Variants in PFDN4 observed in about 807,000 individuals in gnomAD.
PFDN4 encodes the protein prefoldin subunit 4, also known as prefoldin 4.
Under a neutral mutation model 17.6 loss-of-function variants are expected in PFDN4, and 6 were observed. The observed-to-expected ratio is 0.34, with a 90% CI of 0.19 to 0.67. The LOEUF is 0.67. Among genes scored for constraint, PFDN4 ranks in the 30% least tolerant of loss-of-function variants. The pLI is 0.68. For synonymous variants in PFDN4, 48 were observed against 51.1 expected, an observed-to-expected ratio of 0.94 and a Z score of 0.26; for missense variants, 119 against 158.4, an observed-to-expected ratio of 0.75 and a Z score of 1.33.
chr20:54,214,860 G>A (rs2092760556), intron 2 of PFDN4, among the ~76,000 whole-genome samples: 1 of 152,118 alleles, frequency 6.6e-6, no homozygotes, highest in Non-Finnish European at 1.5e-5. Context: ...TTGAAATCCA[G>A]CTCAAATGCA....
intron 3 of PFDN4, among the ~76,000 whole-genome samples, chr20:54,216,315 C>T (rs910617405): frequency 6.6e-6 from 1 of 152,176 alleles, no homozygotes; most frequent in African/African-American, 2.4e-5. Context: ...TTAAACCTTT[C>T]CTAATGCTTT....
intron 1 of PFDN4, 130 bp from the exon 2 acceptor site, chr20:54,214,221 T>C (rs2092759643): frequency 1.7e-6 from 1 of 594,118 alleles, no homozygotes; most frequent in Non-Finnish European, 3.0e-6. Flanking sequence ...GCATTTGTTA[T>C]GTTCTGTACT....
rs2092767139 is a variant in PFDN4, at chr20:54,219,589, T to C, written c.*439T>C. On this transcript the variant is annotated 3_prime_UTR_variant, in exon 4 of 4. Transcript: ENST00000371419. ...TTATTTCACAACTAAAGCTTTGTCATAGACTTCAAAATATATATGTATATA... is the reference window on the plus strand; with the variant it reads ...TTATTTCACAACTAAAGCTTTGTCACAGACTTCAAAATATATATGTATATA... 1 of 393,372 alleles carries C rather than the reference T, an allele frequency of 2.5e-6. No individual in the cohort carries two copies. Among genetic ancestry groups the C allele is most frequent in the Non-Finnish European group, 4.5e-6 (1 of 223,610 alleles). The allele number at this position is 393,372 out of a possible 1,614,324, so 24.4% of individuals were successfully genotyped here.
intron 3 of PFDN4, among the ~76,000 whole-genome samples, chr20:54,218,187 T>G (rs1162452277): frequency 1.3e-5 from 2 of 151,990 alleles, no homozygotes; most frequent in Non-Finnish European, 2.9e-5. Context: ...TTTTTTTTTT[T>G]TTTTTAAAAC....
chr20:54,216,420 T>G (rs2092762499), intron 3 of PFDN4, among the ~76,000 whole-genome samples: 1 of 152,224 alleles, frequency 6.6e-6, no homozygotes, highest in Non-Finnish European at 1.5e-5. Context: ...TAGTAAGTCT[T>G]CAGAAGAACT....
At chr20:54,209,191 C>A (rs889183055) in intron 1 of PFDN4, among the ~76,000 whole-genome samples, 1 of 152,132 alleles carries the variant, frequency 6.6e-6, no homozygotes, top group Non-Finnish European at 1.5e-5. Flanking sequence ...AGAAAACAGG[C>A]GCGGAGGCAA....
chr20:54,208,352 G>C, intron 1 of PFDN4: 1 of 439,410 alleles, frequency 2.3e-6, no homozygotes, highest in Non-Finnish European at 4.0e-6. Flanking sequence ...GCTGGGGCCG[G>C]GAGCCTCGAA....
intron 3 of PFDN4, among the ~76,000 whole-genome samples, chr20:54,217,153 G>T (rs1454712188): frequency 6.6e-6 from 1 of 152,098 alleles, no homozygotes; most frequent in African/African-American, 2.4e-5. Flanking sequence ...GTGATATGAG[G>T]ATAGAGGTGG....
chr20:54,214,743 T>G (rs566031553), intron 2 of PFDN4, among the ~76,000 whole-genome samples: 17 of 152,316 alleles, frequency 1.1e-4, no homozygotes, highest in African/African-American at 4.1e-4. Context: ...GTCAGCTGTC[T>G]TCCCAATGAG....
chr20:54,214,308 C>A, intron 1 of PFDN4, 43 bp from the exon 2 acceptor site: 1 of 1,029,448 alleles, frequency 9.7e-7, no homozygotes, highest in Non-Finnish European at 1.5e-6. Context: ...TAACTGATAA[C>A]TTCTCCGTTA....
In PFDN4 at chr20:54,215,372, T is replaced by C. The variant is rs1420149565; in HGVS notation, c.205T>C (p.Tyr69His). 1 of 1,605,446 alleles carries C rather than the reference T, an allele frequency of 6.2e-7. No individual in the cohort carries two copies. Among genetic ancestry groups the C allele is most frequent in the African/African-American group, 1.3e-5 (1 of 74,928 alleles). ...AGATGATGATTGCTTAATGATACCT[T>C]ATCAAATTGGTGATGTCTTCATTAG... Reference protein sequence around the residue: ...LADDDCLMIPYQIGDVFISHS... With the variant: ...LADDDCLMIPHQIGDVFISHS... Residue 69 changes from tyrosine to histidine, a missense_variant, in exon 3 of 4, where the codon TAT becomes CAT. Around this residue, in one of 3 missense-constraint regions of PFDN4, gnomAD observed 81 missense variants for 111.7 expected, o/e 0.73. Coordinates refer to ENST00000371419, the MANE Select transcript of PFDN4 (RefSeq NM_002623.4).
intron 1 of PFDN4, among the ~76,000 whole-genome samples, chr20:54,212,658 C>T (rs1425014030): frequency 6.6e-6 from 1 of 152,232 alleles, no homozygotes; most frequent in Admixed American, 6.5e-5. Context: ...CTGTTGAGCC[C>T]TCACCAAGAC....
intron 2 of PFDN4, 27 bp downstream of exon 2, chr20:54,214,485 A>G: frequency 8.8e-7 from 1 of 1,135,714 alleles, no homozygotes; most frequent in Non-Finnish European, 1.3e-6. Context: ...TTAGAAGAAT[A>G]AAATTTTTTT....
chr20:54,213,092 A>G lies in PFDN4; in HGVS notation c.25-1259A>G, dbSNP rs1422865801. ...CAACCTCTGAGAAATAAAAGTTCAC[A>G]TACCTTAAGTCGATGGTCATGAGAG... is the stretch of plus-strand genomic sequence containing the variant. On this transcript the variant is annotated intron_variant, in intron 1 of 3. Coordinates refer to ENST00000371419, the MANE Select transcript of PFDN4 (RefSeq NM_002623.4). 2.6e-5 allele frequency among the ~76,000 whole-genome samples: 4 copies of G among 152,238 alleles called. No individual in the cohort carries two copies. In the East Asian group the frequency reaches 7.7e-4, roughly 29 times the overall value.
chr20:54,209,428 C>G (rs989965461), intron 1 of PFDN4, among the ~76,000 whole-genome samples: 1 of 152,144 alleles, frequency 6.6e-6, no homozygotes, highest in South Asian at 2.1e-4. Flanking sequence ...TGAGGGACTG[C>G]CAAAAATGGG....
Position 54,218,753 on chromosome 20 carries a change from A to G in PFDN4, c.274-266A>G, listed in dbSNP as rs10485794. 7.2e-3 allele frequency among the ~76,000 whole-genome samples: 1,099 copies of G among 152,350 alleles called. 14 individuals are homozygous for G. The highest frequency in any genetic ancestry group is 0.025 in the African/African-American group (1,034 of 41,580). ...CTTTGTATTTGGTTCTTTGTTAGGAAATAATTTAGACAGTAATTTTTTACT... is the reference window on the plus strand; with the variant it reads ...CTTTGTATTTGGTTCTTTGTTAGGAGATAATTTAGACAGTAATTTTTTACT... On this transcript the variant is annotated intron_variant, in intron 3 of 3. Transcript: ENST00000371419.
intron 3 of PFDN4, 97 bp downstream of exon 3, chr20:54,215,537 T>C: frequency 1.3e-6 from 1 of 760,300 alleles, no homozygotes; most frequent in Non-Finnish European, 2.1e-6. Flanking sequence ...CTATAGCTAA[T>C]ATTTACTGCC....
intron 3 of PFDN4, among the ~76,000 whole-genome samples, chr20:54,217,213 C>T (rs62216576): frequency 0.031 from 4,632 of 150,934 alleles, 93 homozygotes; most frequent in Non-Finnish European, 0.046. Flanking sequence ...CATCAAGGGT[C>T]AGGGAAGGGC....
At chr20:54,216,038 C>T (rs766365492) in intron 3 of PFDN4, among the ~76,000 whole-genome samples, 17 of 152,174 alleles carry the variant, frequency 1.1e-4, no homozygotes, top group East Asian at 7.7e-4. Flanking sequence ...ATTGGGGTCA[C>T]GGGTCTTATT....
Sources: allele counts gnomAD v4.1 joint callset (sites outside exome capture counted in the v4.1 genomes callset), GRCh38; gene constraint gnomAD v4.1.1; regional missense constraint gnomAD v4.1.1; transcripts MANE v1.5; gene names NCBI Gene and HGNC (gene_info 2026-07-23, HGNC 2026-07-21).